Variants in RAB40B observed in about 807,000 individuals in gnomAD.
RAB40B encodes the protein RAB40B, member RAS oncogene family, also known as ras-related protein Rab-40B.
In RAB40B, 21 loss-of-function variants were observed where a neutral mutation model predicts 24.0. That is an observed-to-expected ratio of 0.88 (90% confidence interval 0.62 to 1.26). RAB40B has a LOEUF of 1.26. Among genes scored for constraint, RAB40B ranks in the 50% most tolerant of loss-of-function variants. The pLI, the probability that RAB40B is intolerant of heterozygous loss-of-function variation, is 0.00. For synonymous variants in RAB40B, 167 were observed against 169.8 expected (o/e 0.98, Z 0.13); for missense variants, 348 against 390.5 (o/e 0.89, Z 0.92).
intron 2 of RAB40B, 70 bp downstream of exon 2, chr17:82,664,424 CAG>C (rs1197121452): frequency 3.1e-5 from 46 of 1,494,354 alleles, no homozygotes; most frequent in South Asian, 1.4e-4. Context: ...ACTGTGCTGA[CAG>C]GGGGTGCTAT....
chr17:82,666,837 C>T (rs1489067495), intron 1 of RAB40B, among the ~76,000 whole-genome samples: 1 of 152,186 alleles, frequency 6.6e-6, no homozygotes, highest in Non-Finnish European at 1.5e-5. Context: ...TGATTTATTT[C>T]ATGTATAGGA....
chr17:82,664,300 T>A (rs565180523), intron 2 of RAB40B, among the ~76,000 whole-genome samples, 196 bp downstream of exon 2: 2 of 117,038 alleles, frequency 1.7e-5, no homozygotes, highest in African/African-American at 6.7e-5. Flanking sequence ...GGTGCTGTGC[T>A]GATGGTGGTG....
At chr17:82,690,011 G>C (rs2046539711) in intron 1 of RAB40B, among the ~76,000 whole-genome samples, 1 of 151,122 alleles carries the variant, frequency 6.6e-6, no homozygotes, top group Admixed American at 6.6e-5. Context: ...TCCTCCTTAA[G>C]GACTGCACTA....
In RAB40B at chr17:82,667,111, A is replaced by G. The variant is rs1216763446; in HGVS notation, c.143-2555T>C. Among the ~76,000 whole-genome samples the G allele has an allele frequency of 2.0e-5, 3 of 152,220 alleles. No individual in the cohort carries two copies. The highest frequency in any genetic ancestry group is 4.4e-5 in the Non-Finnish European group (3 of 68,036). On this transcript the variant is annotated intron_variant, in intron 1 of 5. Coordinates refer to ENST00000571995, the MANE Select transcript of RAB40B (RefSeq NM_006822.3). The surrounding 1 kb of genome is among the most constrained non-coding windows in gnomAD (Gnocchi z 4.3). ...CCCACGATGTAGCCAGTGAGTGCCC[A>G]GAAACAGGCTCCTCTAAAAATGCGA...
chr17:82,691,797 C>T (rs1048129569), intron 1 of RAB40B, among the ~76,000 whole-genome samples: 58 of 152,294 alleles, frequency 3.8e-4, no homozygotes, highest in Non-Finnish European at 7.4e-4. Flanking sequence ...CCCTGCTGTG[C>T]CCCGACCATA....
intron 1 of RAB40B, among the ~76,000 whole-genome samples, chr17:82,671,525 C>G (rs866813656): frequency 9.3e-3 from 1,333 of 143,900 alleles, no homozygotes; most frequent in African/African-American, 0.035. Context: ...CCCTGTAACT[C>G]TAACACACAC....
chr17:82,666,890 C>G (rs1229831057), intron 1 of RAB40B, among the ~76,000 whole-genome samples: 2 of 152,204 alleles, frequency 1.3e-5, no homozygotes, highest in Non-Finnish European at 2.9e-5. Flanking sequence ...CTACAAGAGA[C>G]AAGCCCTGGC....
chr17:82,676,276 G>A (rs2046392748), intron 1 of RAB40B, among the ~76,000 whole-genome samples: 1 of 111,442 alleles, frequency 9.0e-6, no homozygotes, highest in African/African-American at 2.8e-5. Context: ...CCCACACACA[G>A]TGAGGGCACC....
At chr17:82,660,889 T>C in intron 3 of RAB40B, 98 bp downstream of exon 3, 2 of 1,452,024 alleles carry the variant, frequency 1.4e-6, no homozygotes, top group Non-Finnish European at 1.9e-6. Context: ...TTAACCGCCT[T>C]GTCCTCCAAT....
chr17:82,660,205 A>G (rs984845155), intron 3 of RAB40B, among the ~76,000 whole-genome samples: 8 of 152,116 alleles, frequency 5.3e-5, no homozygotes, highest in Non-Finnish European at 1.2e-4. Context: ...ATAGGCACTC[A>G]TGCACAGATG....
chr17:82,661,357 G>A (rs1242249473), intron 2 of RAB40B: 1 of 997,236 alleles, frequency 1.0e-6, no homozygotes, highest in Non-Finnish European at 1.3e-6. Flanking sequence ...TGAATCTGAA[G>A]ATAAATCTAT....
Position 82,657,700 on chromosome 17 carries a change from A to G in RAB40B, c.*163T>C. On this transcript the variant is annotated 3_prime_UTR_variant, in exon 6 of 6. Transcript: ENST00000571995. ...CATGCACATCCACGTAGAAATTCGA[A>G]GTCCGACGGGGTAGTGTGTTTCCAT... 1.1e-6 allele frequency: 1 copy of G among 891,020 alleles called. No homozygotes were observed. Among genetic ancestry groups the G allele is most frequent in the Non-Finnish European group, 1.9e-6 (1 of 532,930 alleles). 55.2% of individuals were successfully genotyped at this position (891,020 alleles called of 1,614,324 possible).
chr17:82,679,815 C>T (rs899773002), intron 1 of RAB40B, among the ~76,000 whole-genome samples: 3 of 44,862 alleles, frequency 6.7e-5, no homozygotes, highest in South Asian at 5.0e-4. Context: ...CACCACAGGA[C>T]ACCTGGAAAC....
rs748733077 is a variant in RAB40B, at chr17:82,657,697, C to G, written c.*166G>C. ...CTTCATGCACATCCACGTAGAAATT[C>G]GAAGTCCGACGGGGTAGTGTGTTTC... On this transcript the variant is annotated 3_prime_UTR_variant, in exon 6 of 6. Transcript: ENST00000571995. 44 of 869,138 alleles carry G rather than the reference C, an allele frequency of 5.1e-5. 1 individual carries two copies. The African/African-American group carries it at 5.8e-4, about 11-fold the overall frequency. 53.8% of individuals were successfully genotyped at this position (869,138 alleles called of 1,614,324 possible).
rs1417121317 is a variant in RAB40B at position 82,655,073 on chromosome 17, G to C, written c.*2790C>G. 6.6e-6 allele frequency: 1 copy of C among 152,122 alleles called. No homozygotes were observed. The highest frequency in any genetic ancestry group is 1.5e-5 in the Non-Finnish European group (1 of 68,042). 9.4% of individuals were successfully genotyped at this position (152,122 alleles called of 1,614,324 possible). A position where few individuals can be genotyped will look rare whatever the true frequency, so the allele number is the denominator to read the frequency against. On this transcript the variant is annotated 3_prime_UTR_variant, in exon 6 of 6. Coordinates refer to ENST00000571995, the MANE Select transcript of RAB40B (RefSeq NM_006822.3). The stretch of plus-strand genomic sequence containing the variant: ...ATTAGGTTTCGTCTGTTTTTGTTCT[G>C]CCTTGGTTTGCTGTAGCACTTTCTG...
chr17:82,661,612 C>G (rs1265828203), intron 2 of RAB40B, among the ~76,000 whole-genome samples: 1 of 152,074 alleles, frequency 6.6e-6, no homozygotes, highest in Non-Finnish European at 1.5e-5. Flanking sequence ...AAAGGCCGGG[C>G]TTGGCGGCTC....
chr17:82,675,786 A>G lies in RAB40B; in HGVS notation c.143-11230T>C, dbSNP rs1226983878. Reference sequence around the variant, plus strand: ...TCTTCCAATAGCCCCATCTTCTAACACCATCACCTTGGGGTTAGGTTTCAG... The same window carrying G: ...TCTTCCAATAGCCCCATCTTCTAACGCCATCACCTTGGGGTTAGGTTTCAG... On this transcript the variant is annotated intron_variant, in intron 1 of 5. Coordinates refer to ENST00000571995, the MANE Select transcript of RAB40B (RefSeq NM_006822.3). The surrounding 1 kb of genome is among the most constrained non-coding windows in gnomAD (Gnocchi z 4.5). Among the ~76,000 whole-genome samples, 2 of 152,024 alleles carry G rather than the reference A, an allele frequency of 1.3e-5. No individual in the cohort carries two copies. Among genetic ancestry groups the G allele is most frequent in the African/African-American group, 4.8e-5 (2 of 41,382 alleles).
intron 1 of RAB40B, among the ~76,000 whole-genome samples, chr17:82,672,585 C>T (rs1272523515): frequency 6.6e-6 from 1 of 152,162 alleles, no homozygotes; most frequent in Middle Eastern, 3.2e-3. Context: ...TAGGTAGGGT[C>T]AGCAGGGTGG....
rs527782248 is a variant in RAB40B at position 82,687,089 on chromosome 17, C to T, written c.142+11366G>A. On this transcript the variant is annotated intron_variant, in intron 1 of 5. Coordinates refer to ENST00000571995, the MANE Select transcript of RAB40B (RefSeq NM_006822.3). ...TTGTCTGTGGGCCCCCCCACACCCCCGATGATGCCCAGATCTGATGACGCT... is the reference window on the plus strand; with the variant it reads ...TTGTCTGTGGGCCCCCCCACACCCCTGATGATGCCCAGATCTGATGACGCT... Among the ~76,000 whole-genome samples, 10 of 152,176 alleles carry T rather than the reference C, an allele frequency of 6.6e-5. No individual in the cohort carries two copies. The East Asian group carries it at 1.2e-3, about 18-fold the overall frequency.
Sources: gnomAD v4.1 joint callset for allele counts (sites outside exome capture counted in the v4.1 genomes callset) on GRCh38, gnomAD v4.1.1 for gene constraint, Gnocchi (gnomAD v3.1) non-coding constraint, MANE v1.5 for transcripts, NCBI Gene and HGNC (gene_info 2026-07-23, HGNC 2026-07-21) for gene names.